RGS17: variants seen among roughly 807,000 people sequenced by gnomAD.
The protein encoded by RGS17 is regulator of G protein signaling 17.
Under a neutral mutation model 25.5 loss-of-function variants are expected in RGS17, and 12 were observed. That is an observed-to-expected ratio of 0.47 (90% CI 0.30 to 0.76). The LOEUF is 0.76. Ranked by LOEUF, RGS17 falls within the 30% of genes least tolerant of loss-of-function variation. RGS17 has a pLI of 0.07. For missense variants in RGS17, 196 were observed against 242.2 expected (o/e 0.81, Z 1.27); for synonymous variants, 71 against 76.9 (o/e 0.92, Z 0.40).
intron 1 of RGS17, among the ~76,000 whole-genome samples, chr6:153,059,923 C>T (rs555997749): frequency 1.3e-5 from 2 of 152,234 alleles, no homozygotes; most frequent in South Asian, 4.1e-4. Context: ...GGCATTCCAC[C>T]ATCTGGGAGG....
chr6:153,123,080 G>A (rs927164379), intron 1 of RGS17, among the ~76,000 whole-genome samples: 2 of 95,786 alleles, frequency 2.1e-5, no homozygotes, highest in Non-Finnish European at 4.3e-5. Context: ...TTCACAACAC[G>A]GCATTCAGTT....
intron 1 of RGS17, among the ~76,000 whole-genome samples, chr6:153,100,172 G>A (rs902647036): frequency 6.6e-6 from 1 of 152,174 alleles, no homozygotes; most frequent in African/African-American, 2.4e-5. Flanking sequence ...AATTTTATAT[G>A]AGGCTAATAT....
At chr6:153,128,362 G>A (rs566838518) in intron 1 of RGS17, among the ~76,000 whole-genome samples, 3 of 152,298 alleles carry the variant, frequency 2.0e-5, no homozygotes, top group African/African-American at 7.2e-5. Flanking sequence ...GAGTTGGAGA[G>A]TATCAGAAAC....
chr6:153,042,142 C>T (rs1238193983), intron 2 of RGS17, among the ~76,000 whole-genome samples: 1 of 152,170 alleles, frequency 6.6e-6, no homozygotes, highest in Non-Finnish European at 1.5e-5. Context: ...TAGATAATCT[C>T]TTTAGGCATG....
At chr6:153,117,476 G>A (rs1482238546) in intron 1 of RGS17, among the ~76,000 whole-genome samples, 2 of 152,186 alleles carry the variant, frequency 1.3e-5, no homozygotes, top group Non-Finnish European at 2.9e-5. Flanking sequence ...CATCCAATAT[G>A]AGAGGAAAAG....
intron 1 of RGS17, among the ~76,000 whole-genome samples, chr6:153,075,803 G>GT (rs1222523874): frequency 6.6e-6 from 1 of 152,198 alleles, no homozygotes; most frequent in Non-Finnish European, 1.5e-5. Context: ...ATTCATTTGT[G>GT]TATGTGTATA....
intron 1 of RGS17, among the ~76,000 whole-genome samples, chr6:153,085,052 C>T (rs1447719396): frequency 6.6e-6 from 1 of 152,088 alleles, no homozygotes; most frequent in African/African-American, 2.4e-5. Context: ...TTTTAATTTA[C>T]GCTCAGTCTT....
intron 1 of RGS17, among the ~76,000 whole-genome samples, chr6:153,075,102 G>C (rs1400350218): frequency 2.0e-5 from 3 of 152,102 alleles, no homozygotes; most frequent in Non-Finnish European, 4.4e-5. Flanking sequence ...ATTTTATTTT[G>C]TGTTATATTT....
chr6:153,055,021 G>A (rs917109365), intron 1 of RGS17, among the ~76,000 whole-genome samples: 8 of 152,202 alleles, frequency 5.3e-5, no homozygotes, highest in East Asian at 1.9e-4. Flanking sequence ...TAGCTGGGGC[G>A]TCTGAATAAT....
rs1345120067 is a variant in RGS17, at chr6:153,010,401, T to C, written c.*1173A>G. ...TGAGCACTGTACTGCCTTTTAATGA[T>C]GGATGAAAACTAATAGTTTGGTTTA... On this transcript the variant is annotated 3_prime_UTR_variant, in exon 5 of 5. Transcript: ENST00000206262. 1 of 151,910 alleles carries C rather than the reference T, an allele frequency of 6.6e-6. No individual in the cohort carries two copies. Among genetic ancestry groups the C allele is most frequent in the Non-Finnish European group, 1.5e-5 (1 of 67,840 alleles). 9.4% of individuals were successfully genotyped at this position (151,910 alleles called of 1,614,324 possible).
intron 2 of RGS17, among the ~76,000 whole-genome samples, chr6:153,040,452 T>C (rs1474870894): frequency 6.6e-6 from 1 of 152,172 alleles, no homozygotes; most frequent in Non-Finnish European, 1.5e-5. Context: ...ACCCATAACA[T>C]GAAGCTTAGG....
intron 1 of RGS17, among the ~76,000 whole-genome samples, chr6:153,045,487 G>T (rs1166627183): frequency 6.6e-6 from 1 of 152,172 alleles, no homozygotes; most frequent in Non-Finnish European, 1.5e-5. Flanking sequence ...CTGGGTCAGG[G>T]AATTTTCCAA....
chr6:153,034,101 T>A (rs1776201859), intron 2 of RGS17, among the ~76,000 whole-genome samples: 1 of 152,214 alleles, frequency 6.6e-6, no homozygotes, highest in Admixed American at 6.5e-5. Flanking sequence ...CAGAAATATA[T>A]CTGATAGCTG....
At chr6:153,100,962 ATCT>A (rs1038824359) in intron 1 of RGS17, among the ~76,000 whole-genome samples, 16 of 152,214 alleles carry the variant, frequency 1.1e-4, no homozygotes, top group African/African-American at 3.4e-4. Flanking sequence ...CTGTCCATAA[ATCT>A]TCTAACATGT....
intron 1 of RGS17, among the ~76,000 whole-genome samples, chr6:153,099,131 C>A (rs1562333645): frequency 6.6e-6 from 1 of 152,154 alleles, no homozygotes; most frequent in East Asian, 1.9e-4. Flanking sequence ...AATGAACACA[C>A]CAGTAAGATA....
chr6:153,054,511 C>T (rs1476804960), intron 1 of RGS17, among the ~76,000 whole-genome samples: 1 of 151,776 alleles, frequency 6.6e-6, no homozygotes. Context: ...ATTAGCCAGG[C>T]ATGGTGGCGG....
chr6:153,101,122 T>A (rs1777296098), intron 1 of RGS17, among the ~76,000 whole-genome samples: 1 of 152,190 alleles, frequency 6.6e-6, no homozygotes, highest in Non-Finnish European at 1.5e-5. Flanking sequence ...ATTTAAGTAA[T>A]TTGTCCATGT....
chr6:153,055,783 G>A (rs758207978), intron 1 of RGS17, among the ~76,000 whole-genome samples: 74 of 152,268 alleles, frequency 4.9e-4, no homozygotes, highest in South Asian at 3.5e-3. Context: ...GTTTTTCATT[G>A]TCGTGCATTA....
chr6:153,100,376 C>G (rs923404264), intron 1 of RGS17, among the ~76,000 whole-genome samples: 2 of 152,066 alleles, frequency 1.3e-5, no homozygotes, highest in African/African-American at 2.4e-5. Context: ...CATAATTCTC[C>G]GTATCAACCT....
Sources: allele counts gnomAD v4.1 joint callset (sites outside exome capture counted in the v4.1 genomes callset), GRCh38; gene constraint gnomAD v4.1.1; transcripts MANE v1.5; gene names NCBI Gene and HGNC (gene_info 2026-07-23, HGNC 2026-07-21).